The following EPG5 variants were observed in gnomAD, a reference collection of about 807,000 sequenced individuals.
EPG5 encodes ectopic P granules protein 5 homolog.
A neutral mutation model predicts 302.7 loss-of-function variants in EPG5; 159 were observed. The observed-to-expected ratio is 0.53, with a 90% CI of 0.46 to 0.60. EPG5 has a LOEUF of 0.60. EPG5 is among the 20% of genes least tolerant of loss of function. The probability of loss-of-function intolerance (pLI) is 0.00; values close to 1 mark genes in which losing one functional copy is unlikely to be tolerated. For synonymous variants in EPG5, 1,158 were observed against 1,136.8 expected (o/e 1.02, Z -0.37); for missense variants, 2,896 against 3,092.4 (o/e 0.94, Z 1.51).
At chr18:45,935,468 G>C (rs2050500743) in intron 10 of EPG5, among the ~76,000 whole-genome samples, 1 of 152,204 alleles carries the variant, frequency 6.6e-6, no homozygotes, top group Admixed American at 6.5e-5. Flanking sequence ...CTTGAACCCA[G>C]GAGGTAGAGA....
At chr18:45,937,387 C>T (rs1411715433) in intron 10 of EPG5, among the ~76,000 whole-genome samples, 5 of 151,124 alleles carry the variant, frequency 3.3e-5, no homozygotes, top group East Asian at 1.9e-4. Context: ...TATACACACA[C>T]ACATATATAT....
intron 10 of EPG5, 34 bp downstream of exon 10, chr18:45,939,563 TTAC>T (rs2050614913): frequency 6.3e-7 from 1 of 1,596,234 alleles, no homozygotes; most frequent in East Asian, 2.2e-5. Flanking sequence ...AGTGAGGAAG[TTAC>T]TTCTCACTAA....
the EPG5 span, among the ~76,000 whole-genome samples, chr18:45,817,263 G>A: frequency 9.9e-5 from 15 of 151,798 alleles, no homozygotes; most frequent in East Asian, 2.9e-3. Flanking sequence ...AATAACCTAT[G>A]GGAATAAAAA....
rs1203437133 is a variant in EPG5 at position 45,916,458 on chromosome 18, G to T, written c.3364C>A (p.Leu1122Ile). Residue 1122 changes from leucine (L) to isoleucine (I), a missense_variant, in exon 18 of 44, where the codon CTT (leucine) becomes ATT (isoleucine). Leu to Ile is a conservative substitution (Grantham distance 5). This residue lies in a region of EPG5 where 1,390 missense variants were observed against 1,430.0 expected (regional missense o/e 0.97). Transcript: ENST00000282041. Reference sequence around the variant, plus strand: ...CTCACCTGGATCATGCTGTTGAGAAGCTTCACGTTGTCCCCATGGCTGGCT... The same window carrying T: ...CTCACCTGGATCATGCTGTTGAGAATCTTCACGTTGTCCCCATGGCTGGCT... ...TGASHGDNVKLLNSMIQAHIS... is the reference protein window; with the variant it reads ...TGASHGDNVKILNSMIQAHIS... The T allele has an allele frequency of 6.2e-7, 1 of 1,613,082 alleles. No homozygotes were observed. Among genetic ancestry groups the T allele is most frequent in the African/African-American group, 1.3e-5 (1 of 74,892 alleles).
chr18:45,870,786 CT>C (rs769511578), intron 35 of EPG5, 44 bp from the exon 36 acceptor site: 1 of 1,048,208 alleles, frequency 9.5e-7, no homozygotes, highest in Admixed American at 3.1e-5. Context: ...TTTGGTTTAC[CT>C]TAAAAAAAAA....
At chr18:45,867,820 G>T in intron 36 of EPG5, 72 bp from the exon 37 acceptor site, 1 of 1,341,088 alleles carries the variant, frequency 7.5e-7, no homozygotes, top group Non-Finnish European at 1.0e-6. Flanking sequence ...TATGTAAATT[G>T]TTTCATAATT....
In EPG5 at chr18:45,967,326, A is replaced by C. The variant is rs2051290456; in HGVS notation, c.-87T>G. The C allele has an allele frequency of 7.7e-7, 1 of 1,307,078 alleles. No homozygotes were observed. The highest frequency in any genetic ancestry group is 3.0e-5 in the Admixed American group (1 of 33,556). 81.0% of individuals were successfully genotyped at this position (1,307,078 alleles called of 1,614,324 possible). A position where few individuals can be genotyped will look rare whatever the true frequency, so the allele number is the denominator to read the frequency against. On this transcript the variant is annotated 5_prime_UTR_variant, in exon 1 of 44. It removes the in-frame stop codon of an upstream open reading frame in the 5' UTR. Transcript: ENST00000282041. ...GCCCGGTTCTGGCCTCCGGACTGTC[A>C]CATGATCGAATCTCCGCCACTCCCG...
chr18:45,921,529 T>C (rs1390552362), intron 16 of EPG5, among the ~76,000 whole-genome samples: 1 of 152,222 alleles, frequency 6.6e-6, no homozygotes, highest in Non-Finnish European at 1.5e-5. Flanking sequence ...ATGCCATTCC[T>C]GGGCACTTCT....
the EPG5 span, among the ~76,000 whole-genome samples, chr18:45,816,804 GA>G: frequency 1.3e-5 from 2 of 152,142 alleles, no homozygotes; most frequent in Admixed American, 1.3e-4. Context: ...ATACAAAAAA[GA>G]TACTTGCACA....
chr18:45,821,910 T>C, the EPG5 span, among the ~76,000 whole-genome samples: 32 of 152,114 alleles, frequency 2.1e-4, no homozygotes, highest in Admixed American at 2.1e-3. Context: ...CAATGAGATA[T>C]CACCTCACCC....
At chr18:45,823,959 G>C in the EPG5 span, among the ~76,000 whole-genome samples, 2 of 152,246 alleles carry the variant, frequency 1.3e-5, no homozygotes. Flanking sequence ...TGGGGGAGGA[G>C]AGGAATGATA....
chr18:45,900,973 T>C, intron 26 of EPG5, 23 bp downstream of exon 26: 1 of 1,592,872 alleles, frequency 6.3e-7, no homozygotes, highest in Non-Finnish European at 8.6e-7. Context: ...GGGAACATGA[T>C]CCGTGAGGCT....
Position 45,916,552 on chromosome 18 carries a change from G to C in EPG5, c.3270C>G (p.His1090Gln). The change falls in exon 18 of 44, where the codon CAC becomes CAG. Residue 1090 changes from histidine to glutamine, a missense_variant. Coordinates refer to ENST00000282041, the MANE Select transcript of EPG5 (RefSeq NM_020964.3). ...QFLSHLLLFL[H>Q]LDSGVPQGVT... ...CACCCTGAGGGACACCGCTGTCCAAGTGTAGGAACAAGAGGAGATGCGATA... is the reference window on the plus strand; with the variant it reads ...CACCCTGAGGGACACCGCTGTCCAACTGTAGGAACAAGAGGAGATGCGATA... The C allele has an allele frequency of 6.2e-7, 1 of 1,608,920 alleles. No individual in the cohort carries two copies.
rs1229948144 is a variant in EPG5 at position 45,850,998 on chromosome 18, CT to C, written c.*1468del. The C allele has an allele frequency of 2.6e-5, 4 of 152,206 alleles. No individual in the cohort carries two copies. Among genetic ancestry groups the C allele is most frequent in the Non-Finnish European group, 5.9e-5 (4 of 68,034 alleles). The allele number at this position is 152,206 out of a possible 1,614,324, so 9.4% of individuals were successfully genotyped here. On this transcript the variant is annotated 3_prime_UTR_variant, in exon 44 of 44. Transcript: ENST00000282041. ...ACTCAAGAGACTAAACAGGGATGTT[CT>C]TTATCAGAGCTGCAAAGCGTGTCTT...
chr18:45,806,605 GA>G, the EPG5 span, among the ~76,000 whole-genome samples: 82 of 151,884 alleles, frequency 5.4e-4, no homozygotes, highest in African/African-American at 1.9e-3. Flanking sequence ...TGAAGGTCTA[GA>G]ATACAGGAGA....
chr18:45,950,016 T>C (rs59884993), intron 4 of EPG5, among the ~76,000 whole-genome samples: 19,308 of 152,124 alleles, frequency 0.13, 1,692 homozygotes, highest in East Asian at 0.29. Flanking sequence ...AATAAATAAA[T>C]AGCCCTCTTC....
At chr18:45,961,579 G>A (rs2051150426) in intron 1 of EPG5, among the ~76,000 whole-genome samples, 1 of 152,162 alleles carries the variant, frequency 6.6e-6, no homozygotes, top group South Asian at 2.1e-4. Flanking sequence ...GAACTAGCCA[G>A]GCTGGGCATG....
chr18:45,850,610 T>A lies in EPG5; in HGVS notation c.*1857A>T, dbSNP rs529877346. 7 of 152,556 alleles carry A rather than the reference T, an allele frequency of 4.6e-5. No homozygotes were observed. Among genetic ancestry groups the A allele is most frequent in the South Asian group, 4.1e-4 (2 of 4,830 alleles). 9.5% of individuals were successfully genotyped at this position (152,556 alleles called of 1,614,324 possible). A position where few individuals can be genotyped will look rare whatever the true frequency, so the allele number is the denominator to read the frequency against. On this transcript the variant is annotated 3_prime_UTR_variant, in exon 44 of 44. Transcript: ENST00000282041. Reference sequence around the variant, plus strand: ...TTAACAGCTGAAACACTTTACAAGATAGTGTGATATCCCTATAATTTGGTT... The same window carrying A: ...TTAACAGCTGAAACACTTTACAAGAAAGTGTGATATCCCTATAATTTGGTT...
intron 1 of EPG5, among the ~76,000 whole-genome samples, chr18:45,960,359 T>C (rs2051122801): frequency 6.6e-6 from 1 of 152,200 alleles, no homozygotes; most frequent in Admixed American, 6.5e-5. Flanking sequence ...ACTGCAGACC[T>C]GAACTCCTGT....
Sources: gnomAD v4.1 joint callset for allele counts (sites outside exome capture counted in the v4.1 genomes callset) on GRCh38, gnomAD v4.1.1 for gene constraint, gnomAD v4.1.1 regional missense constraint, MANE v1.5 for transcripts, NCBI Gene and HGNC (gene_info 2026-07-23, HGNC 2026-07-21) for gene names.